UPRT: variants seen among roughly 807,000 people sequenced by gnomAD.
UPRT encodes the protein uracil phosphoribosyltransferase homolog.
UPRT carries 5 observed loss-of-function variants against 22.6 expected under a neutral mutation model. That is an observed-to-expected ratio of 0.22 (90% CI 0.12 to 0.47). UPRT has a LOEUF of 0.47. Among genes scored for constraint, UPRT ranks in the 20% least tolerant of loss-of-function variants. The pLI is 0.99. For synonymous variants in UPRT, 77 were observed against 87.7 expected (o/e 0.88, Z 0.68); for missense variants, 181 against 239.9 (o/e 0.75, Z 1.62).
At chrX:75,302,400 T>G (rs1428440241) in intron 6 of UPRT, among the ~76,000 whole-genome samples, 2 of 111,423 alleles carry the variant, frequency 1.8e-5, no homozygotes, top group East Asian at 5.6e-4. Flanking sequence ...TCTTTGAAAT[T>G]TATAGCTGAA....
chrX:75,288,484 A>G (rs1569283629), intron 1 of UPRT, among the ~76,000 whole-genome samples: 1 of 112,398 alleles, frequency 8.9e-6, no homozygotes, highest in Non-Finnish European at 1.9e-5. Context: ...TTAATTTGCC[A>G]TGATCAAGTA....
chrX:75,237,849 G>T (rs1172449246), intron 4 of UPRT, among the ~76,000 whole-genome samples: 1 of 106,552 alleles, frequency 9.4e-6, no homozygotes, highest in African/African-American at 3.4e-5. Context: ...CCTAATGCTA[G>T]ATGACGAGTT....
At position 75,209,238 on chromosome X, in the gene UPRT, C is replaced by T. The variant is rs944712896; in HGVS notation, c.-447+41359C>T. Among the ~76,000 whole-genome samples, 5 of 111,287 alleles carry T rather than the reference C, an allele frequency of 4.5e-5. No individual in the cohort carries two copies. In the Admixed American group the frequency reaches 4.7e-4, roughly 11 times the overall value. ...GGAAAGATATGGGCTTACCAGAGAC[C>T]GACAGCATTACCCTGGGTTCCGAGG... On this transcript the variant is annotated intron_variant, in intron 4 of 13. Coordinates refer to the UPRT transcript ENST00000652605.
At chrX:75,268,750 A>G (rs2082598557) in intron 4 of UPRT, among the ~76,000 whole-genome samples, 1 of 111,785 alleles carries the variant, frequency 8.9e-6, no homozygotes, top group South Asian at 3.7e-4. Context: ...GTATTGATGG[A>G]ATGTATGTCA....
rs1041769902 is a variant in UPRT at position 75,300,015 on chromosome X, T to C, written c.724+119T>C. The stretch of plus-strand genomic sequence containing the variant: ...AGTTTCTAAATGTTTTTTTCTCAGT[T>C]GGGAAAACTGCCCCAGGCAGTTCAC... On this transcript the variant is annotated intron_variant, in intron 5 of 6. Transcript: ENST00000373383. 1.5e-5 allele frequency: 13 copies of C among 853,840 alleles called. No homozygotes were observed. In the East Asian group the frequency reaches 2.2e-4, roughly 15 times the overall value. 70.4% of individuals were successfully genotyped at this position (853,840 alleles called of 1,213,427 possible).
intron 4 of UPRT, among the ~76,000 whole-genome samples, chrX:75,240,353 CA>C (rs888514932): frequency 5.4e-5 from 6 of 110,472 alleles, no homozygotes; most frequent in African/African-American, 2.0e-4. Flanking sequence ...ACAACAGCTG[CA>C]AAAAACAAAA....
chrX:75,188,024 G>A (rs1406096294), intron 4 of UPRT, among the ~76,000 whole-genome samples: 2 of 112,146 alleles, frequency 1.8e-5, no homozygotes, highest in African/African-American at 3.2e-5. Context: ...CTCTCAGCTC[G>A]TCCAAGTCAT....
chrX:75,235,467 G>T (rs142104224), intron 4 of UPRT, among the ~76,000 whole-genome samples: 1 of 110,973 alleles, frequency 9.0e-6, no homozygotes, highest in African/African-American at 3.3e-5. Flanking sequence ...TACCAAAGCC[G>T]GGCAGGGACA....
intron 4 of UPRT, among the ~76,000 whole-genome samples, chrX:75,262,545 C>G (rs947090867): frequency 5.4e-5 from 6 of 111,325 alleles, no homozygotes; most frequent in African/African-American, 2.0e-4. Flanking sequence ...ACCCATCTCA[C>G]GTGCAAAGAC....
chrX:75,245,348 G>A (rs1313821145), intron 4 of UPRT, among the ~76,000 whole-genome samples: 1 of 111,028 alleles, frequency 9.0e-6, no homozygotes, highest in African/African-American at 3.3e-5. Context: ...GGGTGGAAAT[G>A]TAAATTAGTT....
chrX:75,241,762 C>T (rs1017469763), intron 4 of UPRT, among the ~76,000 whole-genome samples: 2 of 111,711 alleles, frequency 1.8e-5, no homozygotes, highest in African/African-American at 6.5e-5. Context: ...GAATCAATGG[C>T]ATTCACAGCA....
intron 4 of UPRT, among the ~76,000 whole-genome samples, chrX:75,265,146 C>G (rs2082583377): frequency 9.0e-6 from 1 of 110,979 alleles, no homozygotes; most frequent in Non-Finnish European, 1.9e-5. Context: ...GTGAATCTGA[C>G]AATTATGTGT....
At chrX:75,283,927 G>A (rs1029864389) in intron 1 of UPRT, among the ~76,000 whole-genome samples, 15 of 111,510 alleles carry the variant, frequency 1.3e-4, no homozygotes, top group Admixed American at 2.9e-4. Flanking sequence ...TCAGGAACAC[G>A]GATTATTCCT....
intron 4 of UPRT, among the ~76,000 whole-genome samples, chrX:75,178,905 T>C (rs777282709): frequency 8.9e-6 from 1 of 112,024 alleles, no homozygotes; most frequent in Non-Finnish European, 1.9e-5. Context: ...TATTCTCTTA[T>C]CTGGCCTCAC....
At chrX:75,166,509 C>T (rs2082213661) in intron 3 of UPRT, among the ~76,000 whole-genome samples, 1 of 111,793 alleles carries the variant, frequency 8.9e-6, no homozygotes, top group South Asian at 3.8e-4. Flanking sequence ...TAGCTTGATG[C>T]CCCCAATCCT....
intron 4 of UPRT, among the ~76,000 whole-genome samples, chrX:75,251,317 C>A (rs775705421): frequency 9.0e-6 from 1 of 111,291 alleles, no homozygotes; most frequent in Non-Finnish European, 1.9e-5. Flanking sequence ...AAAACCCGAT[C>A]GTCTCAGCCC....
At chrX:75,157,911 C>A (rs1296023314) in intron 1 of UPRT, among the ~76,000 whole-genome samples, 1 of 112,208 alleles carries the variant, frequency 8.9e-6, no homozygotes, top group East Asian at 2.8e-4. Flanking sequence ...ATTTATTCAG[C>A]ATCTATTCTG....
Position 75,303,684 on chromosome X carries a change from C to A in UPRT, c.*173C>A. 2.7e-6 allele frequency: 1 copy of A among 367,827 alleles called. No homozygotes were observed. The highest frequency in any genetic ancestry group is 4.7e-6 in the Non-Finnish European group (1 of 214,799). 30.3% of individuals were successfully genotyped at this position (367,827 alleles called of 1,213,427 possible). A position where few individuals can be genotyped will look rare whatever the true frequency, so the allele number is the denominator to read the frequency against. On this transcript the variant is annotated 3_prime_UTR_variant, in exon 7 of 7. Transcript: ENST00000373383. ...CATTTAGTTATTTGTTTACTGTTGG[C>A]ACCGAATTCAACAATGAAGTATATG...
chrX:75,186,344 C>T (rs1261658721), intron 4 of UPRT, among the ~76,000 whole-genome samples: 1 of 111,875 alleles, frequency 8.9e-6, no homozygotes, highest in Non-Finnish European at 1.9e-5. Flanking sequence ...GAGTGAGATT[C>T]TTAATCCTGA....
Sources: gnomAD v4.1 joint callset for allele counts (sites outside exome capture counted in the v4.1 genomes callset) on GRCh38, gnomAD v4.1.1 for gene constraint, MANE v1.5 for transcripts, NCBI Gene and HGNC (gene_info 2026-07-23, HGNC 2026-07-21) for gene names.